ERC2: variants seen among roughly 807,000 people sequenced by gnomAD.
The protein encoded by ERC2 is ERC protein 2.
ERC2 carries 42 observed loss-of-function variants against 114.8 expected under a neutral mutation model. That is an observed-to-expected ratio of 0.37 (90% CI 0.29 to 0.47). ERC2 has a LOEUF of 0.47. Among genes scored for constraint, ERC2 ranks in the 20% least tolerant of loss-of-function variants. ERC2 has a pLI of 0.99. For missense variants in ERC2, 939 were observed against 1,150.7 expected (o/e 0.82, Z 2.66); for synonymous variants, 454 against 425.5 (o/e 1.07, Z -0.82).
intron 17 of ERC2, among the ~76,000 whole-genome samples, chr3:55,558,399 G>A (rs750417359): frequency 6.6e-6 from 1 of 152,166 alleles, no homozygotes; most frequent in Non-Finnish European, 1.5e-5. Flanking sequence ...ACCTCAAAAC[G>A]TCACTCCAAA....
chr3:56,084,124 C>G (rs1277860540), intron 6 of ERC2, among the ~76,000 whole-genome samples: 1 of 152,096 alleles, frequency 6.6e-6, no homozygotes. Flanking sequence ...CTCAACATCA[C>G]TAATCATCAG....
intron 2 of ERC2, among the ~76,000 whole-genome samples, chr3:56,310,129 C>T (rs1291742069): frequency 1.3e-5 from 2 of 152,132 alleles, no homozygotes; most frequent in Admixed American, 6.5e-5. Context: ...CTGTTGTTAG[C>T]CAGTAATCCA....
intron 13 of ERC2, among the ~76,000 whole-genome samples, chr3:55,929,745 G>A (rs867601144): frequency 6.6e-6 from 1 of 152,140 alleles, no homozygotes; most frequent in Admixed American, 6.6e-5. Context: ...TTGTGATAAT[G>A]AGTTCTCAGG....
chr3:56,444,356 T>C (rs1028453638), intron 1 of ERC2, among the ~76,000 whole-genome samples: 2 of 152,056 alleles, frequency 1.3e-5, no homozygotes, highest in Non-Finnish European at 2.9e-5. Context: ...CAGAAACAAA[T>C]AAATGTTGCT....
At chr3:55,833,540 T>C (rs1158430138) in intron 14 of ERC2, among the ~76,000 whole-genome samples, 1 of 152,118 alleles carries the variant, frequency 6.6e-6, no homozygotes, top group African/African-American at 2.4e-5. Flanking sequence ...AATAAACTCC[T>C]TTACAGACAA....
At chr3:56,301,714 AT>A (rs1354823236) in intron 2 of ERC2, among the ~76,000 whole-genome samples, 10 of 108,246 alleles carry the variant, frequency 9.2e-5, no homozygotes, top group South Asian at 4.3e-4. Context: ...AAAAATAAAA[AT>A]AAAAAAAAAA....
chr3:55,991,172 C>T (rs1045246994), intron 11 of ERC2, among the ~76,000 whole-genome samples: 25 of 152,182 alleles, frequency 1.6e-4, no homozygotes, highest in African/African-American at 5.8e-4. Flanking sequence ...CTGTGTATGT[C>T]TTGAAGTCCT....
At chr3:55,611,203 G>C in intron 17 of ERC2, among the ~76,000 whole-genome samples, 1 of 152,354 alleles carries the variant, frequency 6.6e-6, no homozygotes, top group Admixed American at 6.5e-5. Flanking sequence ...TGAGCTGGCA[G>C]AGGTCCCTCC....
chr3:56,277,909 A>C (rs895951133), intron 3 of ERC2, among the ~76,000 whole-genome samples: 3 of 152,146 alleles, frequency 2.0e-5, no homozygotes, highest in Non-Finnish European at 4.4e-5. Flanking sequence ...CACACAAAGG[A>C]GGCAGAGTAG....
chr3:55,665,837 A>G (rs2061337315), intron 17 of ERC2, among the ~76,000 whole-genome samples: 1 of 152,198 alleles, frequency 6.6e-6, no homozygotes, highest in African/African-American at 2.4e-5. Flanking sequence ...CATAGCTTCC[A>G]TACATGGACT....
chr3:56,253,530 GC>G (rs2052321853), intron 3 of ERC2, among the ~76,000 whole-genome samples: 1 of 152,184 alleles, frequency 6.6e-6, no homozygotes, highest in South Asian at 2.1e-4. Context: ...ATGTTGACAA[GC>G]TTTTTTCCCA....
At chr3:56,062,412 A>G (rs79569107) in intron 7 of ERC2, among the ~76,000 whole-genome samples, 2,260 of 152,242 alleles carry the variant, frequency 0.015, 56 homozygotes, top group African/African-American at 0.052. Context: ...CCATGTATCT[A>G]TCTGCTCTAG....
intron 2 of ERC2, among the ~76,000 whole-genome samples, chr3:56,422,809 T>C (rs941301452): frequency 6.6e-6 from 1 of 152,182 alleles, no homozygotes. Flanking sequence ...GTGACCTGTT[T>C]CTCTTGCATA....
chr3:55,524,999 C>A lies in ERC2; in HGVS notation c.*40-13723G>T, dbSNP rs551049080. On this transcript the variant is annotated intron_variant, in intron 17 of 17. Transcript: ENST00000288221. Reference sequence around the variant, plus strand: ...TTGGTCATCGTTAGTGCTGATGGCCCAAGGCTGGACATTCCTGATGACAAA... The same window carrying A: ...TTGGTCATCGTTAGTGCTGATGGCCAAAGGCTGGACATTCCTGATGACAAA... 1.2e-3 allele frequency among the ~76,000 whole-genome samples: 187 copies of A among 152,256 alleles called. 1 individual carries two copies. The highest frequency in any genetic ancestry group is 2.2e-3 in the Non-Finnish European group (149 of 68,024).
chr3:55,792,965 C>T (rs1037419928), intron 14 of ERC2, among the ~76,000 whole-genome samples: 1 of 152,190 alleles, frequency 6.6e-6, no homozygotes, highest in Non-Finnish European at 1.5e-5. Context: ...ACGGGTGAAC[C>T]ATGCCTGGTG....
At chr3:55,727,202 C>CA (rs1559556905) in intron 15 of ERC2, among the ~76,000 whole-genome samples, 1 of 151,800 alleles carries the variant, frequency 6.6e-6, no homozygotes, top group South Asian at 2.1e-4. Context: ...TCCAAGACAC[C>CA]AAAAAAGGAA....
intron 16 of ERC2, among the ~76,000 whole-genome samples, chr3:55,695,130 G>A (rs191263523): frequency 5.9e-5 from 9 of 152,324 alleles, no homozygotes; most frequent in Non-Finnish European, 1.3e-4. Context: ...CAGATACAGA[G>A]AACATTTAGG....
intron 2 of ERC2, among the ~76,000 whole-genome samples, chr3:56,347,333 T>A (rs899721757): frequency 3.3e-5 from 5 of 152,090 alleles, no homozygotes; most frequent in African/African-American, 1.2e-4. Context: ...CTAGGGCTGG[T>A]GCTCTGTGAA....
At chr3:55,923,821 A>G (rs1348935227) in intron 13 of ERC2, among the ~76,000 whole-genome samples, 2 of 152,112 alleles carry the variant, frequency 1.3e-5, no homozygotes, top group African/African-American at 4.8e-5. Context: ...CCTGACAGAC[A>G]TCACTAATCG....
Sources: gnomAD v4.1 joint callset for allele counts (sites outside exome capture counted in the v4.1 genomes callset) on GRCh38, gnomAD v4.1.1 for gene constraint, MANE v1.5 for transcripts, NCBI Gene and HGNC (gene_info 2026-07-23, HGNC 2026-07-21) for gene names.